The following DNAH8 variants were observed in gnomAD, a reference collection of about 807,000 sequenced individuals.
DNAH8 encodes the protein axonemal beta dynein heavy chain 8.
Under a neutral mutation model 562.1 loss-of-function variants are expected in DNAH8, and 382 were observed. That is an observed-to-expected ratio of 0.68 (90% CI 0.63 to 0.74). The LOEUF (loss-of-function observed/expected upper bound fraction) is 0.74. Among genes scored for constraint, DNAH8 ranks in the 30% least tolerant of loss-of-function variants. The probability of loss-of-function intolerance (pLI) is 0.00; values close to 1 mark genes in which losing one functional copy is unlikely to be tolerated. For synonymous variants in DNAH8, 1,881 were observed against 1,919.4 expected, an observed-to-expected ratio of 0.98 and a Z score of 0.52; for missense variants, 5,203 against 5,620.4, an observed-to-expected ratio of 0.93 and a Z score of 2.37.
intron 82 of DNAH8, among the ~76,000 whole-genome samples, chr6:38,952,420 G>A (rs140333159): frequency 3.9e-5 from 6 of 152,134 alleles, no homozygotes; most frequent in South Asian, 2.1e-4. Context: ...TCTGAAAATC[G>A]GAATGCTGTT....
In DNAH8 at chr6:38,803,236, G is replaced by A. The variant is rs749933430; in HGVS notation, c.2959G>A (p.Ala987Thr). ...CCACAAAAGTAAGCATGTGGAAGAA[G>A]CTGTCAGAGAACTTATATCAATATT... ...LNHKSKHVEE[A>T]VRELISIFEQ... The change falls in exon 22 of 93, where the codon GCT becomes ACT. Residue 987 changes from alanine (A) to threonine (T), a missense_variant. Physicochemically the swap from Ala to Thr is moderately conservative, Grantham distance 58. Transcript: ENST00000327475. 7.5e-6 allele frequency: 12 copies of A among 1,609,222 alleles called. No homozygotes were observed. The highest frequency in any genetic ancestry group is 2.2e-5 in the East Asian group (1 of 44,704).
chr6:38,861,545 G>A (rs566127596), intron 43 of DNAH8, among the ~76,000 whole-genome samples: 1 of 152,294 alleles, frequency 6.6e-6, no homozygotes, highest in African/African-American at 2.4e-5. Flanking sequence ...GCATCAGCCT[G>A]TGGTGCTTAC....
chr6:38,928,123 T>C (rs527733462), intron 74 of DNAH8: 2 of 152,356 alleles, frequency 1.3e-5, no homozygotes, highest in Non-Finnish European at 2.9e-5. Flanking sequence ...CAAGTCTCCC[T>C]ATCAGGAATT....
chr6:38,821,608 G>A (rs1025451259), intron 26 of DNAH8, among the ~76,000 whole-genome samples: 2 of 152,178 alleles, frequency 1.3e-5, no homozygotes, highest in Non-Finnish European at 2.9e-5. Context: ...CTGTTGCCCA[G>A]GCTGGAGTGA....
At chr6:38,841,672 T>C (rs904427412) in intron 33 of DNAH8, among the ~76,000 whole-genome samples, 2 of 152,176 alleles carry the variant, frequency 1.3e-5, no homozygotes, top group African/African-American at 4.8e-5. Flanking sequence ...TTCCTTTACT[T>C]GGACCTTTTA....
chr6:39,025,457 A>C (rs1172222463), intron 91 of DNAH8, among the ~76,000 whole-genome samples: 11 of 152,230 alleles, frequency 7.2e-5, no homozygotes, highest in Non-Finnish European at 1.6e-4. Flanking sequence ...AAGGTTTGAC[A>C]GAGCAATGAA....
intron 11 of DNAH8, among the ~76,000 whole-genome samples, chr6:38,766,822 T>C (rs1027896865): frequency 2.0e-5 from 3 of 152,174 alleles, no homozygotes; most frequent in African/African-American, 7.2e-5. Context: ...TAAATATATA[T>C]AATTTTTATT....
At chr6:38,886,327 G>A (rs1230603966) in intron 56 of DNAH8, among the ~76,000 whole-genome samples, 1 of 152,058 alleles carries the variant, frequency 6.6e-6, no homozygotes, top group Non-Finnish European at 1.5e-5. Flanking sequence ...CAGTGTTGGA[G>A]GATGCAGAGA....
chr6:38,864,932 G>C (rs887998874), intron 45 of DNAH8, among the ~76,000 whole-genome samples: 4 of 151,946 alleles, frequency 2.6e-5, no homozygotes, highest in African/African-American at 4.8e-5. Context: ...CTCCACACTT[G>C]GTTTTTCTTT....
At chr6:38,910,748 G>A (rs1481029868) in intron 65 of DNAH8, among the ~76,000 whole-genome samples, 1 of 151,950 alleles carries the variant, frequency 6.6e-6, no homozygotes, top group Non-Finnish European at 1.5e-5. Context: ...ACACTTTAAT[G>A]ATAGTCACAT....
chr6:38,744,674 G>A (rs764714464), intron 8 of DNAH8, among the ~76,000 whole-genome samples: 2 of 151,920 alleles, frequency 1.3e-5, no homozygotes, highest in Admixed American at 6.6e-5. Flanking sequence ...TTCACTGCAC[G>A]CTCGACCTCC....
chr6:38,874,200 CTCTTTCTTTCTT>C (rs201503679), intron 52 of DNAH8, among the ~76,000 whole-genome samples: 8 of 49,876 alleles, frequency 1.6e-4, no homozygotes, highest in African/African-American at 5.2e-4. Flanking sequence ...CTTTCTTTCT[CTCTTTCTTTCTT>C]TCTCTCTCGC....
intron 4 of DNAH8, among the ~76,000 whole-genome samples, chr6:38,734,159 C>T (rs1005349277): frequency 5.4e-5 from 8 of 148,394 alleles, no homozygotes; most frequent in East Asian, 2.0e-4. Context: ...TGGTGGCACA[C>T]GCATGTAGTC....
chr6:38,896,842 A>G (rs1427768973), intron 60 of DNAH8, among the ~76,000 whole-genome samples: 1 of 152,148 alleles, frequency 6.6e-6, no homozygotes, highest in African/African-American at 2.4e-5. Flanking sequence ...GCTGGAGCAC[A>G]GTGGCACGAT....
chr6:38,857,505 G>C lies in DNAH8; in HGVS notation c.5734-13G>C. 6.4e-7 allele frequency: 1 copy of C among 1,568,854 alleles called. No individual in the cohort carries two copies. The highest frequency in any genetic ancestry group is 8.7e-7 in the Non-Finnish European group (1 of 1,150,546). ...ATTTGGCAAATTTTAATATTTTTCT[G>C]CTGGATCTGTAGGTTGGACTTCTGG... On this transcript the variant is annotated splice_polypyrimidine_tract_variant and intron_variant, in intron 41 of 92. Transcript: ENST00000327475.
chr6:38,795,374 T>C (rs556520806), intron 21 of DNAH8, among the ~76,000 whole-genome samples: 1 of 152,150 alleles, frequency 6.6e-6, no homozygotes, highest in South Asian at 2.1e-4. Flanking sequence ...GGTCAGGAGA[T>C]CGAGACCATC....
At chr6:38,721,686 G>A (rs979288610) in intron 1 of DNAH8, among the ~76,000 whole-genome samples, 53 of 152,264 alleles carry the variant, frequency 3.5e-4, no homozygotes, top group African/African-American at 1.2e-3. Context: ...TCCTTGAGTA[G>A]GCCAACTAAG....
chr6:38,854,081 G>A (rs79937869), intron 41 of DNAH8, among the ~76,000 whole-genome samples: 2,249 of 152,074 alleles, frequency 0.015, 94 homozygotes, highest in East Asian at 0.14. Context: ...TAGATATGAT[G>A]TGGATATAGA....
intron 91 of DNAH8, among the ~76,000 whole-genome samples, chr6:39,015,442 A>T (rs939198794): frequency 6.6e-6 from 1 of 152,174 alleles, no homozygotes; most frequent in Non-Finnish European, 1.5e-5. Context: ...TAGTAATCCC[A>T]GTGACTGGAT....
Sources: gnomAD v4.1 joint callset for allele counts (sites outside exome capture counted in the v4.1 genomes callset) on GRCh38, gnomAD v4.1.1 for gene constraint, MANE v1.5 for transcripts, NCBI Gene and HGNC (gene_info 2026-07-23, HGNC 2026-07-21) for gene names.